Variants in GLIS3 observed in about 807,000 individuals in gnomAD.
The protein encoded by GLIS3 is zinc finger protein GLIS3.
In GLIS3, 53 loss-of-function variants were observed where a neutral mutation model predicts 78.6. The observed-to-expected ratio is 0.67, with a 90% confidence interval of 0.54 to 0.85. The LOEUF is 0.85. Ranked by LOEUF, GLIS3 falls within the 40% of genes least tolerant of loss-of-function variation. The probability of loss-of-function intolerance (pLI) is 0.00; values close to 1 mark genes in which losing one functional copy is unlikely to be tolerated. For synonymous variants in GLIS3, 684 were observed against 509.9 expected, an observed-to-expected ratio of 1.34 and a Z score of -4.60; for missense variants, 1,703 against 1,231.1, an observed-to-expected ratio of 1.38 and a Z score of -5.74.
At chr9:4,363,959 G>A in the GLIS3 span, among the ~76,000 whole-genome samples, 4 of 152,170 alleles carry the variant, frequency 2.6e-5, no homozygotes, top group African/African-American at 7.2e-5. Context: ...TATTACAAAA[G>A]AGATTTCAAG....
intron 4 of GLIS3, among the ~76,000 whole-genome samples, chr9:4,111,459 A>C (rs1329600312): frequency 6.6e-6 from 1 of 152,226 alleles, no homozygotes; most frequent in African/African-American, 2.4e-5. Flanking sequence ...CCCCAGGTAA[A>C]CTGAATTAAA....
the GLIS3 span, among the ~76,000 whole-genome samples, chr9:4,435,079 G>C: frequency 6.6e-6 from 1 of 152,194 alleles, no homozygotes; most frequent in African/African-American, 2.4e-5. Context: ...GTCTCTCACA[G>C]ACAATTCTCT....
chr9:4,092,321 T>C (rs1234518700), intron 4 of GLIS3, among the ~76,000 whole-genome samples: 2 of 151,904 alleles, frequency 1.3e-5, no homozygotes, highest in Non-Finnish European at 2.9e-5. Flanking sequence ...CTGGCTCATT[T>C]TTTTGTATTT....
At chr9:3,999,895 G>A (rs1427793277) in intron 4 of GLIS3, among the ~76,000 whole-genome samples, 1 of 151,864 alleles carries the variant, frequency 6.6e-6, no homozygotes, top group Non-Finnish European at 1.5e-5. Context: ...TTAAGTGTGG[G>A]GATAGAAAAA....
chr9:4,394,235 C>G, the GLIS3 span, among the ~76,000 whole-genome samples: 1 of 151,092 alleles, frequency 6.6e-6, no homozygotes, highest in Admixed American at 6.6e-5. Flanking sequence ...TTTTAGGAGA[C>G]ATTGATTCAA....
chr9:4,121,242 C>G (rs544425433), intron 3 of GLIS3, among the ~76,000 whole-genome samples: 1 of 152,312 alleles, frequency 6.6e-6, no homozygotes, highest in South Asian at 2.1e-4. Context: ...CTCCCCAGTA[C>G]ACTAGCTCCC....
chr9:4,162,649 GATC>G (rs1242453376), intron 2 of GLIS3, among the ~76,000 whole-genome samples: 1 of 151,998 alleles, frequency 6.6e-6, no homozygotes, highest in East Asian at 1.9e-4. Context: ...CACGAGGTCA[GATC>G]GAGACCATCC....
chr9:4,416,147 G>A, the GLIS3 span, among the ~76,000 whole-genome samples: 1 of 149,082 alleles, frequency 6.7e-6, no homozygotes, highest in African/African-American at 2.5e-5. Context: ...AGCACTTTGG[G>A]AGATCAAGGC....
intron 9 of GLIS3, among the ~76,000 whole-genome samples, chr9:3,853,883 G>A (rs1391793693): frequency 6.6e-6 from 1 of 152,152 alleles, no homozygotes; most frequent in Admixed American, 6.5e-5. Flanking sequence ...TAATCAAAAT[G>A]TGTTATACTG....
intron 4 of GLIS3, among the ~76,000 whole-genome samples, chr9:4,075,831 C>G (rs1412703541): frequency 6.6e-6 from 1 of 151,980 alleles, no homozygotes; most frequent in Non-Finnish European, 1.5e-5. Context: ...GAACATTATA[C>G]TGAGGAAAAG....
intron 2 of GLIS3, among the ~76,000 whole-genome samples, chr9:4,329,179 T>C (rs891463055): frequency 6.6e-6 from 1 of 152,172 alleles, no homozygotes; most frequent in Non-Finnish European, 1.5e-5. Flanking sequence ...TTCATTTCCT[T>C]GAACCAAAAG....
At chr9:4,451,113 G>A in the GLIS3 span, among the ~76,000 whole-genome samples, 18 of 152,162 alleles carry the variant, frequency 1.2e-4, no homozygotes, top group Non-Finnish European at 2.6e-4. Context: ...CATCTCATGT[G>A]CAGAGACATA....
chr9:4,097,288 A>G (rs938434004), intron 4 of GLIS3, among the ~76,000 whole-genome samples: 9 of 152,102 alleles, frequency 5.9e-5, no homozygotes, highest in South Asian at 2.1e-4. Flanking sequence ...TTCAAAGTAA[A>G]AAAAAGTATG....
At chr9:4,032,143 C>T (rs1404533072) in intron 4 of GLIS3, among the ~76,000 whole-genome samples, 1 of 152,202 alleles carries the variant, frequency 6.6e-6, no homozygotes, top group African/African-American at 2.4e-5. Flanking sequence ...GCCTTCAGTC[C>T]TGTGCAGACT....
intron 4 of GLIS3, among the ~76,000 whole-genome samples, chr9:3,997,340 C>T (rs958549001): frequency 6.6e-6 from 1 of 151,030 alleles, no homozygotes; most frequent in African/African-American, 2.4e-5. Flanking sequence ...GAGTGAAACT[C>T]GAAATTCCGT....
the GLIS3 span, among the ~76,000 whole-genome samples, chr9:4,459,190 C>G: frequency 1.3e-5 from 2 of 152,088 alleles, no homozygotes; most frequent in African/African-American, 4.8e-5. Context: ...AAACTTGAAC[C>G]AGGTGGTAAA....
the GLIS3 span, among the ~76,000 whole-genome samples, chr9:4,432,391 A>C: frequency 6.6e-6 from 1 of 152,190 alleles, no homozygotes; most frequent in Non-Finnish European, 1.5e-5. Flanking sequence ...AATGTATAGC[A>C]GCAAGAAAGC....
intron 4 of GLIS3, among the ~76,000 whole-genome samples, chr9:4,006,834 T>A (rs1821589950): frequency 1.3e-5 from 2 of 152,212 alleles, no homozygotes; most frequent in African/African-American, 4.8e-5. Context: ...AATGTAAGGA[T>A]GAAGGAACGG....
chr9:4,375,410 G>A, the GLIS3 span, among the ~76,000 whole-genome samples: 1 of 152,192 alleles, frequency 6.6e-6, no homozygotes, highest in Admixed American at 6.5e-5. Context: ...TACCTTTAAT[G>A]AAGGATGAAA....
Sources: gnomAD v4.1 joint callset for allele counts (sites outside exome capture counted in the v4.1 genomes callset) on GRCh38, gnomAD v4.1.1 for gene constraint, MANE v1.5 for transcripts, NCBI Gene and HGNC (gene_info 2026-07-23, HGNC 2026-07-21) for gene names.